The following ANKRD26 variants were observed in gnomAD, a reference collection of about 807,000 sequenced individuals.
ANKRD26 encodes the protein ankyrin repeat domain 26, also known as ankyrin repeat domain-containing protein 26.
ANKRD26 carries 141 observed loss-of-function variants against 208.7 expected under a neutral mutation model. That is an observed-to-expected ratio of 0.68 (90% CI 0.59 to 0.78). ANKRD26 has a LOEUF of 0.78. Among genes scored for constraint, ANKRD26 ranks in the 30% least tolerant of loss-of-function variants. The pLI is 0.00. For missense variants in ANKRD26, 1,889 were observed against 1,938.7 expected (o/e 0.97, Z 0.48); for synonymous variants, 636 against 660.4 (o/e 0.96, Z 0.57).
intron 5 of ANKRD26, among the ~76,000 whole-genome samples, chr10:27,084,979 G>C (rs1332595177): frequency 6.6e-6 from 1 of 151,676 alleles, no homozygotes; most frequent in South Asian, 2.1e-4. Flanking sequence ...TGAGCGCAGA[G>C]TTGAGATATT....
At chr10:27,058,923 T>G (rs746762422) in intron 15 of ANKRD26, among the ~76,000 whole-genome samples, 6 of 37,882 alleles carry the variant, frequency 1.6e-4, no homozygotes, top group South Asian at 8.7e-4. Context: ...TGTTTTTTTG[T>G]TTTTTTTTTC....
At chr10:26,959,652 T>G in the ANKRD26 span, among the ~76,000 whole-genome samples, 3 of 151,754 alleles carry the variant, frequency 2.0e-5, no homozygotes, top group African/African-American at 7.3e-5. Context: ...CTTTTTTTTT[T>G]TTTTTTTAGT....
intron 15 of ANKRD26, among the ~76,000 whole-genome samples, chr10:27,058,871 C>A (rs150201637): frequency 0.01 from 1,557 of 151,564 alleles, 14 homozygotes; most frequent in Middle Eastern, 0.024. Context: ...GCACCGCGCC[C>A]AGCCCACAGT....
rs377461416 is a variant in ANKRD26 at position 27,077,384 on chromosome 10, A to G, written c.1031T>C (p.Leu344Pro). 5.7e-5 allele frequency: 92 copies of G among 1,613,966 alleles called. No homozygotes were observed. The highest frequency in any genetic ancestry group is 7.7e-5 in the Non-Finnish European group (91 of 1,179,972). Residue 344 changes from leucine to proline, a missense_variant, in exon 9 of 34, where the codon CTT becomes CCT. Physicochemically the swap from Leu to Pro is moderately conservative, Grantham distance 98. This residue lies in a region of ANKRD26 where 1,272 missense variants were observed against 1,273.8 expected (regional missense o/e 1.00). Coordinates refer to ENST00000376087, the MANE Select transcript of ANKRD26 (RefSeq NM_014915.3). ...SHPTYQSPDL[L>P]PKPSHKSLAN... ...TAACGACTTGTGGGAAGGTTTTGGA[A>G]GAAGGTCAGGTGATTGATAGGTAGG...
chr10:27,085,268 T>C (rs1403427355), intron 5 of ANKRD26, among the ~76,000 whole-genome samples: 1 of 151,916 alleles, frequency 6.6e-6, no homozygotes, highest in Non-Finnish European at 1.5e-5. Context: ...GCCCAGCTAA[T>C]TTTTGTATTT....
At chr10:27,014,903 C>A (rs967173648) in intron 30 of ANKRD26, among the ~76,000 whole-genome samples, 192 bp from the exon 31 acceptor site, 12 of 152,114 alleles carry the variant, frequency 7.9e-5, no homozygotes, top group Non-Finnish European at 1.3e-4. Context: ...AATCCAAATA[C>A]TTCCAAAGAA....
chr10:27,038,228 G>C (rs1340133143), intron 21 of ANKRD26, among the ~76,000 whole-genome samples, 174 bp from the exon 22 acceptor site: 5 of 152,080 alleles, frequency 3.3e-5, no homozygotes, highest in African/African-American at 1.2e-4. Flanking sequence ...TTTTCCAAAG[G>C]ACATATATAC....
At chr10:27,057,259 T>C (rs2054870478) in intron 15 of ANKRD26, among the ~76,000 whole-genome samples, 1 of 152,258 alleles carries the variant, frequency 6.6e-6, no homozygotes, top group African/African-American at 2.4e-5. Flanking sequence ...GTCCTTTACT[T>C]GCCATTTGCT....
chr10:27,078,491 G>A (rs929415230), intron 7 of ANKRD26, among the ~76,000 whole-genome samples: 1 of 152,038 alleles, frequency 6.6e-6, no homozygotes, highest in African/African-American at 2.4e-5. Context: ...CTTAAGTCAA[G>A]GAAGAAAAGG....
chr10:27,018,019 C>T (rs2053357145), intron 29 of ANKRD26, among the ~76,000 whole-genome samples: 1 of 152,142 alleles, frequency 6.6e-6, no homozygotes, highest in South Asian at 2.1e-4. Flanking sequence ...ATCTCTGCCA[C>T]ACAACATTTG....
intron 15 of ANKRD26, among the ~76,000 whole-genome samples, chr10:27,058,595 T>TTTC (rs1278650744): frequency 6.6e-4 from 100 of 152,070 alleles, no homozygotes; most frequent in African/African-American, 2.3e-3. Context: ...TTTTTTTTTT[T>TTTC]CAGACCAGTC....
exon 6 of ANKRD26, among the ~76,000 whole-genome samples, chr10:26,975,917 A>C (rs768806319): frequency 4.6e-5 from 7 of 151,922 alleles, no homozygotes; most frequent in Non-Finnish European, 8.8e-5. Flanking sequence ...TTGTTTTAGT[A>C]ACGTAGGCAT....
chr10:27,044,540 ACCTTTTC>A (rs2054375580), intron 18 of ANKRD26, among the ~76,000 whole-genome samples: 1 of 151,424 alleles, frequency 6.6e-6, no homozygotes, highest in African/African-American at 2.4e-5. Flanking sequence ...TTTGCTGTCG[ACCTTTTC>A]AATAAAAACA....
chr10:26,952,166 C>T, the ANKRD26 span, among the ~76,000 whole-genome samples: 2 of 152,132 alleles, frequency 1.3e-5, no homozygotes, highest in African/African-American at 4.8e-5. Context: ...CTTGTCCCGT[C>T]CCATGGAACT....
At chr10:26,964,147 G>A in the ANKRD26 span, among the ~76,000 whole-genome samples, 1 of 151,810 alleles carries the variant, frequency 6.6e-6, no homozygotes, top group Non-Finnish European at 1.5e-5. Context: ...AACATCAAAT[G>A]GTCCACCTGC....
In ANKRD26 at chr10:27,060,359, T is replaced by A; in HGVS notation, c.1550A>T (p.Gln517Leu). The A allele has an allele frequency of 6.2e-7, 1 of 1,609,386 alleles. No homozygotes were observed. Among genetic ancestry groups the A allele is most frequent in the Non-Finnish European group, 8.5e-7 (1 of 1,175,876 alleles). ...PNKAGGMKDV[Q>L]TSKAAEHDLE... ...GCAACATTTACCTGCTTTGGATGTT[T>A]GTACATCCTTCATTCCTCCTGCTTT... Residue 517 changes from glutamine (Q) to leucine (L), a missense_variant, in exon 15 of 34, where the codon CAA becomes CTA. Physicochemically the swap from Gln to Leu is moderately radical, Grantham distance 113. This residue lies in a region of ANKRD26 where 1,272 missense variants were observed against 1,273.8 expected (regional missense o/e 1.00). Coordinates refer to ENST00000376087, the MANE Select transcript of ANKRD26 (RefSeq NM_014915.3).
At chr10:27,070,574 C>T (rs1261891096) in intron 9 of ANKRD26, among the ~76,000 whole-genome samples, 1 of 152,004 alleles carries the variant, frequency 6.6e-6, no homozygotes, top group Non-Finnish European at 1.5e-5. Context: ...GGTTTAACAA[C>T]TATGAATACT....
chr10:27,066,097 A>AGG, intron 11 of ANKRD26: 1 of 156,834 alleles, frequency 6.4e-6, no homozygotes, highest in Non-Finnish European at 1.4e-5. Flanking sequence ...TCCTGACCTC[A>AGG]TGATCCGCCA....
At chr10:27,080,012 C>T (rs1450046163) in intron 6 of ANKRD26, 3 of 374,886 alleles carry the variant, frequency 8.0e-6, no homozygotes, top group African/African-American at 6.6e-5. Context: ...AAAGAATTAG[C>T]TGGGTGTGGT....
Sources: allele counts gnomAD v4.1 joint callset (sites outside exome capture counted in the v4.1 genomes callset), GRCh38; gene constraint gnomAD v4.1.1; regional missense constraint gnomAD v4.1.1; transcripts MANE v1.5; gene names NCBI Gene and HGNC (gene_info 2026-07-23, HGNC 2026-07-21).